NFYC: variants seen among roughly 807,000 people sequenced by gnomAD.
NFYC encodes the protein CAAT box DNA-binding protein subunit C.
Under a neutral mutation model 53.1 loss-of-function variants are expected in NFYC, and 25 were observed. That is an observed-to-expected ratio of 0.47 (90% confidence interval 0.34 to 0.66). NFYC has a LOEUF of 0.66. Among genes scored for constraint, NFYC ranks in the 30% least tolerant of loss-of-function variants. The pLI, the probability that NFYC is intolerant of heterozygous loss-of-function variation, is 0.01. For synonymous variants in NFYC, 145 were observed against 152.6 expected, an observed-to-expected ratio of 0.95 and a Z score of 0.37; for missense variants, 260 against 422.7, an observed-to-expected ratio of 0.62 and a Z score of 3.38.
At chr1:40,692,685 A>G (rs907772219) in intron 1 of NFYC, among the ~76,000 whole-genome samples, 5 of 152,272 alleles carry the variant, frequency 3.3e-5, no homozygotes, top group African/African-American at 9.6e-5. Flanking sequence ...GGAGCCCTGG[A>G]GTCCAGAGTC....
At chr1:40,701,959 C>G (rs1230836010) in intron 1 of NFYC, among the ~76,000 whole-genome samples, 1 of 152,040 alleles carries the variant, frequency 6.6e-6, no homozygotes, top group African/African-American at 2.4e-5. Flanking sequence ...GGCTTTTTTT[C>G]TTGCTGCTGC....
At chr1:40,728,314 C>T (rs767297024) in intron 1 of NFYC, among the ~76,000 whole-genome samples, 4 of 152,160 alleles carry the variant, frequency 2.6e-5, no homozygotes, top group Non-Finnish European at 4.4e-5. Flanking sequence ...ATACTAATCT[C>T]GGCTGGGCGC....
At chr1:40,694,685 C>T (rs1288440896) in intron 1 of NFYC, among the ~76,000 whole-genome samples, 1 of 151,852 alleles carries the variant, frequency 6.6e-6, no homozygotes, top group Admixed American at 6.6e-5. Flanking sequence ...GAGCAACCTG[C>T]CCTTCAACAT....
chr1:40,731,184 C>CT (rs796411657), intron 1 of NFYC, among the ~76,000 whole-genome samples: 110 of 149,176 alleles, frequency 7.4e-4, no homozygotes, highest in African/African-American at 2.5e-3. Flanking sequence ...AATCATCTTA[C>CT]TTTTTTTTTT....
chr1:40,737,390 G>A (rs553847952), intron 1 of NFYC, among the ~76,000 whole-genome samples: 3 of 149,964 alleles, frequency 2.0e-5, no homozygotes, highest in Admixed American at 6.6e-5. Context: ...GTGCAATGGC[G>A]TGATCTTGGC....
intron 3 of NFYC, among the ~76,000 whole-genome samples, chr1:40,748,570 C>T (rs888413634): frequency 5.9e-5 from 9 of 152,116 alleles, no homozygotes; most frequent in African/African-American, 2.2e-4. Context: ...GATATTCTAC[C>T]TGTTCTAACC....
intron 1 of NFYC, among the ~76,000 whole-genome samples, chr1:40,696,024 G>GTT (rs35472258): frequency 0.56 from 77,011 of 136,476 alleles, 21,684 homozygotes; most frequent in African/African-American, 0.63. Flanking sequence ...TTGTAATTCT[G>GTT]TTTTTTTTTT....
intron 8 of NFYC, chr1:40,769,131 A>C: frequency 1.9e-6 from 1 of 529,118 alleles, no homozygotes. Context: ...GGAACTATCT[A>C]TTATGTGCTC....
At chr1:40,725,843 ATTTGTT>A (rs1247455187) in intron 1 of NFYC, among the ~76,000 whole-genome samples, 1 of 152,232 alleles carries the variant, frequency 6.6e-6, no homozygotes, top group African/African-American at 2.4e-5. Flanking sequence ...AGTCACACAA[ATTTGTT>A]GGTTTCCCAG....
chr1:40,709,977 A>G (rs1243282791), intron 1 of NFYC, among the ~76,000 whole-genome samples: 1 of 152,182 alleles, frequency 6.6e-6, no homozygotes, highest in Non-Finnish European at 1.5e-5. Context: ...GAGTTTTTCT[A>G]TTTCCATGCA....
intron 1 of NFYC, among the ~76,000 whole-genome samples, chr1:40,702,284 A>G (rs767555624): frequency 1.3e-5 from 2 of 151,292 alleles, no homozygotes; most frequent in Non-Finnish European, 2.9e-5. Flanking sequence ...CTTTATTCTA[A>G]TGACGTGGTC....
At chr1:40,717,528 T>C (rs1307868226) in intron 1 of NFYC, among the ~76,000 whole-genome samples, 1 of 152,212 alleles carries the variant, frequency 6.6e-6, no homozygotes, top group East Asian at 1.9e-4. Context: ...CAAGTTCAAC[T>C]AAATGAGGGC....
intron 1 of NFYC, among the ~76,000 whole-genome samples, chr1:40,702,943 A>T (rs943916636): frequency 6.6e-6 from 1 of 151,990 alleles, no homozygotes. Context: ...CAGCCTCCCG[A>T]GTAGCTGGGA....
chr1:40,724,610 G>A (rs1247772901), intron 1 of NFYC, among the ~76,000 whole-genome samples: 1 of 152,160 alleles, frequency 6.6e-6, no homozygotes, highest in East Asian at 1.9e-4. Context: ...AAGAATGTGT[G>A]TGAAGTAAGA....
intron 6 of NFYC, among the ~76,000 whole-genome samples, chr1:40,759,712 G>C (rs1646440628): frequency 6.6e-6 from 1 of 152,002 alleles, no homozygotes; most frequent in Admixed American, 6.6e-5. Flanking sequence ...TATGAGTCTT[G>C]GGGAACAGTG....
chr1:40,714,694 A>C (rs1488358336), intron 1 of NFYC, among the ~76,000 whole-genome samples: 2 of 150,038 alleles, frequency 1.3e-5, no homozygotes, highest in Non-Finnish European at 3.0e-5. Flanking sequence ...AGATCACTGC[A>C]ACCTTAAACT....
intron 8 of NFYC, 43 bp from the exon 9 acceptor site, chr1:40,769,310 AGAC>A: frequency 6.3e-7 from 1 of 1,591,266 alleles, no homozygotes; most frequent in Non-Finnish European, 8.6e-7. Flanking sequence ...CTGGTGGATC[AGAC>A]CCTGCAGCTG....
intron 1 of NFYC, among the ~76,000 whole-genome samples, chr1:40,701,075 A>G (rs989364965): frequency 6.6e-6 from 1 of 152,168 alleles, no homozygotes; most frequent in Non-Finnish European, 1.5e-5. Context: ...AAGTTTTAGT[A>G]TATTAGCTTT....
rs1466704731 is a variant in NFYC, at chr1:40,691,750, G to T, written c.-126G>T. The T allele has an allele frequency of 6.6e-6, 3 of 455,178 alleles. No individual in the cohort carries two copies. The highest frequency in any genetic ancestry group is 1.3e-5 in the Non-Finnish European group (3 of 226,366). 28.2% of individuals were successfully genotyped at this position (455,178 alleles called of 1,614,324 possible). A position where few individuals can be genotyped will look rare whatever the true frequency, so the allele number is the denominator to read the frequency against. ...TTGCTTGTGCCCCCGCTTCGCGCGC[G>T]CTCCGTTCTCCGTGACGCACACTTC... is the stretch of plus-strand genomic sequence containing the variant. On this transcript the variant is annotated 5_prime_UTR_variant, in exon 1 of 10. Coordinates refer to ENST00000447388, the MANE Select transcript of NFYC (RefSeq NM_014223.5).
Sources: gnomAD v4.1 joint callset for allele counts (sites outside exome capture counted in the v4.1 genomes callset) on GRCh38, gnomAD v4.1.1 for gene constraint, MANE v1.5 for transcripts, NCBI Gene and HGNC (gene_info 2026-07-23, HGNC 2026-07-21) for gene names.